Variants in ERAP1 observed in about 807,000 individuals in gnomAD.
The protein encoded by ERAP1 is adipocyte-derived leucine aminopeptidase.
A neutral mutation model predicts 103.7 loss-of-function variants in ERAP1; 86 were observed. The ratio of observed to expected loss-of-function variants is 0.83; its 90% CI spans 0.70 to 0.99. The LOEUF is 0.99. Ranked by LOEUF, ERAP1 falls within the 50% of genes least tolerant of loss-of-function variation. The pLI is 0.00. For synonymous variants in ERAP1, 398 were observed against 402.4 expected (o/e 0.99, Z 0.13); for missense variants, 1,009 against 1,128.4 (o/e 0.89, Z 1.52).
At chr5:96,861,853 G>C in the ERAP1 span, among the ~76,000 whole-genome samples, 3 of 152,256 alleles carry the variant, frequency 2.0e-5, no homozygotes, top group South Asian at 6.2e-4. Context: ...CATCCTTGCG[G>C]GAATTCTGTT....
At chr5:96,828,283 A>G in the ERAP1 span, among the ~76,000 whole-genome samples, 1 of 152,160 alleles carries the variant, frequency 6.6e-6, no homozygotes, top group African/African-American at 2.4e-5. Flanking sequence ...ATAAACATTG[A>G]TACATTTAGG....
the ERAP1 span, among the ~76,000 whole-genome samples, chr5:96,893,162 T>C: frequency 6.6e-6 from 1 of 152,196 alleles, no homozygotes; most frequent in African/African-American, 2.4e-5. Flanking sequence ...CTGTATTACA[T>C]ACAAATGTGG....
intron 19 of ERAP1, among the ~76,000 whole-genome samples, chr5:96,765,537 G>A (rs1188590836): frequency 1.3e-5 from 2 of 152,048 alleles, no homozygotes; most frequent in South Asian, 2.1e-4. Context: ...CTCCCTGAGG[G>A]GATTCTGGGA....
the ERAP1 span, among the ~76,000 whole-genome samples, chr5:96,847,894 G>A: frequency 1.3e-5 from 2 of 151,990 alleles, no homozygotes; most frequent in African/African-American, 4.8e-5. Context: ...ATCTGATGTT[G>A]TACCTCAGCA....
the ERAP1 span, among the ~76,000 whole-genome samples, chr5:96,906,795 GC>G: frequency 6.6e-6 from 1 of 152,200 alleles, no homozygotes; most frequent in Non-Finnish European, 1.5e-5. Context: ...ACTTCGTGAG[GC>G]CAAGGCGGGT....
At chr5:96,823,039 G>A in the ERAP1 span, 1 of 456,224 alleles carries the variant, frequency 2.2e-6, no homozygotes, top group South Asian at 1.5e-5. Flanking sequence ...TTTCTTGCTG[G>A]CTGTTGACTG....
At chr5:96,905,963 G>C in the ERAP1 span, among the ~76,000 whole-genome samples, 83 of 127,470 alleles carry the variant, frequency 6.5e-4, no homozygotes, top group African/African-American at 2.3e-3. Flanking sequence ...TTTTTTTGTA[G>C]AGACAGGGTC....
intron 3 of ERAP1, among the ~76,000 whole-genome samples, chr5:96,799,185 T>C (rs1777708595): frequency 1.3e-5 from 2 of 151,784 alleles, no homozygotes; most frequent in Admixed American, 6.6e-5. Context: ...CATTCTCGAG[T>C]TGTGTTAATT....
At chr5:96,859,060 T>TACACACACACAC in the ERAP1 span, among the ~76,000 whole-genome samples, 35 of 144,830 alleles carry the variant, frequency 2.4e-4, no homozygotes, top group Non-Finnish European at 4.1e-4. Flanking sequence ...GCCACATGCA[T>TACACACACACAC]ACACACACAC....
the ERAP1 span, chr5:96,886,779 CA>C: frequency 6.7e-7 from 1 of 1,503,416 alleles, no homozygotes; most frequent in Non-Finnish European, 9.0e-7. Flanking sequence ...TTCACTTCAT[CA>C]GGGGTCAAGG....
chr5:96,838,480 G>T, the ERAP1 span, among the ~76,000 whole-genome samples: 2 of 152,190 alleles, frequency 1.3e-5, no homozygotes, highest in African/African-American at 4.8e-5. Flanking sequence ...GTATGTAATA[G>T]ATATAATAGT....
the ERAP1 span, chr5:96,918,266 T>G: frequency 6.6e-6 from 1 of 152,514 alleles, no homozygotes; most frequent in African/African-American, 2.4e-5. Flanking sequence ...CTTCACGCTA[T>G]GCCACTATTT....
intron 15 of ERAP1, among the ~76,000 whole-genome samples, chr5:96,782,346 T>C (rs973602376): frequency 1.2e-4 from 19 of 152,150 alleles, no homozygotes; most frequent in African/African-American, 2.7e-4. Flanking sequence ...GAGAAAAATA[T>C]CTAAAATTAG....
the ERAP1 span, among the ~76,000 whole-genome samples, chr5:96,932,982 T>C: frequency 6.6e-6 from 1 of 152,094 alleles, no homozygotes; most frequent in Non-Finnish European, 1.5e-5. Context: ...ATTCTTAAAC[T>C]AAAGAGGAAG....
the ERAP1 span, among the ~76,000 whole-genome samples, chr5:96,897,596 A>G: frequency 2.0e-5 from 3 of 152,240 alleles, no homozygotes; most frequent in Non-Finnish European, 4.4e-5. Context: ...ATAGTGATTA[A>G]TAAGCAGTTA....
the ERAP1 span, among the ~76,000 whole-genome samples, chr5:96,829,692 G>A: frequency 1.3e-5 from 2 of 152,202 alleles, no homozygotes; most frequent in Non-Finnish European, 1.5e-5. Context: ...ACTGCCTTCC[G>A]AATTAGTGAT....
At chr5:96,765,182 G>A in intron 19 of ERAP1, 1 of 1,161,094 alleles carries the variant, frequency 8.6e-7, no homozygotes, top group Non-Finnish European at 1.3e-6. Flanking sequence ...GATACAGTTT[G>A]GCTAATGAGT....
upstream of ERAP1, among the ~76,000 whole-genome samples, chr5:96,809,693 G>A (rs1027873933): frequency 6.6e-6 from 1 of 151,960 alleles, no homozygotes; most frequent in African/African-American, 2.4e-5. Flanking sequence ...GGTAATTTCT[G>A]CATGTTCAGA....
the ERAP1 span, among the ~76,000 whole-genome samples, chr5:96,876,857 C>G: frequency 6.6e-6 from 1 of 152,188 alleles, no homozygotes; most frequent in Non-Finnish European, 1.5e-5. Flanking sequence ...GAAAGCCCAC[C>G]AGACCAAAGG....
Sources: gnomAD v4.1 joint callset for allele counts (sites outside exome capture counted in the v4.1 genomes callset) on GRCh38, gnomAD v4.1.1 for gene constraint, MANE v1.5 for transcripts, NCBI Gene and HGNC (gene_info 2026-07-23, HGNC 2026-07-21) for gene names.